The following NES variants were observed in gnomAD, a reference collection of about 807,000 sequenced individuals.
NES encodes nestin.
In NES, 27 loss-of-function variants were observed where a neutral mutation model predicts 35.6. That is an observed-to-expected ratio of 0.76 (90% CI 0.56 to 1.04). NES has a LOEUF of 1.04. Among genes scored for constraint, NES ranks in the 50% least tolerant of loss-of-function variants. The pLI is 0.00. For missense variants in NES, 1,867 were observed against 1,983.6 expected (o/e 0.94, Z 1.12); for synonymous variants, 822 against 824.2 (o/e 1.00, Z 0.04).
Position 156,670,698 on chromosome 1 carries a change from G to A in NES, c.3490C>T (p.Pro1164Ser), listed in dbSNP as rs1046638031. The A allele has an allele frequency of 1.2e-6, 2 of 1,613,818 alleles. No homozygotes were observed. Among genetic ancestry groups the A allele is most frequent in the South Asian group, 1.1e-5 (1 of 91,080 alleles). ...CTACCCTCCCTGGGAGGCTCCCAAG[G>A]GTCTCTGCTCTTCCCAGGCAGCTCG... is the stretch of plus-strand genomic sequence containing the variant. ...FSELPGKSRD[P>S]WEPPREGREE... Residue 1164 changes from proline (P) to serine (S), a missense_variant, in exon 4 of 4, where the codon CCT (proline) becomes TCT (serine). Transcript: ENST00000368223.
In NES at chr1:156,670,119, C is replaced by CTTCTCCCTCCTCCCCCTCCTCCTT; in HGVS notation, c.4045_4068dup (p.Lys1349_Glu1356dup). On this transcript the variant is annotated inframe_insertion, in exon 4 of 4. Coordinates refer to ENST00000368223, the MANE Select transcript of NES (RefSeq NM_006617.2). ...AGGTCAGAGTCACGGCCACACTCCT[C>CTTCTCCCTCCTCCCCCTCCTCCTT]TTCTCCCTCCTCCCCCTCCTCCTTT... The CTTCTCCCTCCTCCCCCTCCTCCTT allele has an allele frequency of 6.2e-7, 1 of 1,614,062 alleles. No homozygotes were observed. The highest frequency in any genetic ancestry group is 1.7e-5 in the Admixed American group (1 of 60,026).
Position 156,671,171 on chromosome 1 carries a change from ACCT to A in NES, c.3014_3016del (p.Glu1005del), listed in dbSNP as rs773996526. On this transcript the variant is annotated inframe_deletion, in exon 4 of 4. Transcript: ENST00000368223. ...TGGGTGCCCCTCGCCTGGGATCCAG[ACCT>A]CCTCTGTGGCATTCAGCTCTCCCTG... is the stretch of plus-strand genomic sequence containing the variant. 44 of 1,613,404 alleles carry A rather than the reference ACCT, an allele frequency of 2.7e-5. No homozygotes were observed. The Admixed American group carries it at 4.8e-4, about 18-fold the overall frequency.
rs1389332640 is a variant in NES at position 156,671,509 on chromosome 1, T to G, written c.2679A>C (p.Arg893Ser). Residue 893 changes from arginine to serine, a missense_variant, in exon 4 of 4, where the codon AGA (arginine) becomes AGC (serine). Transcript: ENST00000368223. The stretch of plus-strand genomic sequence containing the variant: ...TCTCCAGGTTCCATGCTCCCAGAGA[T>G]CTCAATGATTCCTGATTCTCCTCTT... ...LLEEENQESL[R>S]SLGAWNLENL... 1 of 1,613,894 alleles carries G rather than the reference T, an allele frequency of 6.2e-7. No individual in the cohort carries two copies. Among genetic ancestry groups the G allele is most frequent in the African/African-American group, 1.3e-5 (1 of 74,924 alleles).
chr1:156,676,672 G>T lies in NES; in HGVS notation c.593C>A (p.Ala198Glu). ...CTGGCCCAGCGACGTCTCCATGTGT[G>T]CCACGCGCTCCTGGTAGCCGCGCAC... The part of the protein sequence containing the change: ...GAVRGYQERV[A>E]HMETSLGQAR... Residue 198 changes from alanine to glutamate, a missense_variant, in exon 1 of 4, where the codon GCA becomes GAA. Physicochemically the swap from Ala to Glu is moderately radical, Grantham distance 107. Transcript: ENST00000368223. The surrounding 1 kb of genome is among the most constrained non-coding windows in gnomAD (Gnocchi z 5.3). 1 of 1,512,528 alleles carries T rather than the reference G, an allele frequency of 6.6e-7. No homozygotes were observed. The highest frequency in any genetic ancestry group is 1.5e-5 in the African/African-American group (1 of 68,880). The allele number at this position is 1,512,528 out of a possible 1,614,324, so 93.7% of individuals were successfully genotyped here. A position where few individuals can be genotyped will look rare whatever the true frequency, so the allele number is the denominator to read the frequency against.
Position 156,672,832 on chromosome 1 carries a change from T to C in NES, c.1356A>G (p.Gln452=). Residue 452 remains glutamine, a synonymous_variant, in exon 4 of 4, where the codon CAA becomes CAG. Coordinates refer to ENST00000368223, the MANE Select transcript of NES (RefSeq NM_006617.2). ...PGPEEPGGQR[Q]EASTGQSPED... ...CTGGGGACTGGCCTGTACTGGCCTCTTGCCGCTGGCCCCCAGGCTCCTCTG... is the reference window on the plus strand; with the variant it reads ...CTGGGGACTGGCCTGTACTGGCCTCCTGCCGCTGGCCCCCAGGCTCCTCTG... 6.2e-7 allele frequency: 1 copy of C among 1,613,946 alleles called. No individual in the cohort carries two copies. Among genetic ancestry groups the C allele is most frequent in the Non-Finnish European group, 8.5e-7 (1 of 1,180,036 alleles).
At position 156,676,684 on chromosome 1, in the gene NES, T is replaced by A; in HGVS notation, c.581A>T (p.Gln194Leu). The A allele has an allele frequency of 6.7e-7, 1 of 1,499,026 alleles. No homozygotes were observed. Among genetic ancestry groups the A allele is most frequent in the South Asian group, 1.3e-5 (1 of 79,312 alleles). 92.9% of individuals were successfully genotyped at this position (1,499,026 alleles called of 1,614,324 possible). A position where few individuals can be genotyped will look rare whatever the true frequency, so the allele number is the denominator to read the frequency against. ...EAWRGAVRGY[Q>L]ERVAHMETSL... is the part of the protein sequence containing the mutation. ...CGTCTCCATGTGTGCCACGCGCTCC[T>A]GGTAGCCGCGCACTGCCCCGCGCCA... Residue 194 changes from glutamine to leucine, a missense_variant, in exon 1 of 4, where the codon CAG becomes CTG. By Grantham distance (113) the Gln-to-Leu change is moderately radical. Coordinates refer to ENST00000368223, the MANE Select transcript of NES (RefSeq NM_006617.2). This position sits in a 1 kb window ranked among gnomAD's most constrained non-coding sequence, Gnocchi z 5.3.
In NES at chr1:156,676,569, G is replaced by GC. The variant is rs1558000550; in HGVS notation, c.695dup (p.Gly233ArgfsTer26). ...CTGCCCTGCGCTCCAGGAGGCCTCC[G>GC]CGCTCAGCCTGGAGCTGCTGCAGCT... On this transcript the variant is annotated frameshift_variant, in exon 1 of 4. Transcript: ENST00000368223. LOFTEE classifies it high-confidence loss of function. The surrounding 1 kb of genome is among the most constrained non-coding windows in gnomAD (Gnocchi z 5.3). The GC allele has an allele frequency of 6.3e-7, 1 of 1,589,264 alleles. No individual in the cohort carries two copies. The highest frequency in any genetic ancestry group is 8.5e-7 in the Non-Finnish European group (1 of 1,175,448).
rs552442225 is a variant in NES at position 156,670,820 on chromosome 1, G to T, written c.3368C>A (p.Pro1123His). 3.7e-6 allele frequency: 6 copies of T among 1,612,774 alleles called. No individual in the cohort carries two copies. The highest frequency in any genetic ancestry group is 1.7e-6 in the Non-Finnish European group (2 of 1,179,230). The change falls in exon 4 of 4, where the codon CCC becomes CAC. Residue 1123 changes from proline to histidine, a missense_variant. Physicochemically the swap from Pro to His is moderately conservative, Grantham distance 77 (BLOSUM62 -2). Coordinates refer to ENST00000368223, the MANE Select transcript of NES (RefSeq NM_006617.2). ...HLTREEVMEP[P>H]LEEESLEAKR... ...TGCCTCCAAACTCTCCTCTTCCAGG[G>T]GTGGTTCCATCACCTCTTCCCTGGT...
chr1:156,670,521 G>C lies in NES; in HGVS notation c.3667C>G (p.Pro1223Ala), dbSNP rs541819223. 1.8e-5 allele frequency: 29 copies of C among 1,604,026 alleles called. No homozygotes were observed. The South Asian group carries it at 3.1e-4, about 17-fold the overall frequency. The change falls in exon 4 of 4, where the codon CCA becomes GCA. Residue 1223 changes from proline to alanine, a missense_variant. Coordinates refer to ENST00000368223, the MANE Select transcript of NES (RefSeq NM_006617.2). ...DVPPVLVSPS[P>A]TYTPILEDAP... Reference sequence around the variant, plus strand: ...TCTTCCAGGATCGGGGTGTACGTTGGGCTGGGGGAGACCAGCACTGGTGGT... The same window carrying C: ...TCTTCCAGGATCGGGGTGTACGTTGCGCTGGGGGAGACCAGCACTGGTGGT...
At chr1:156,675,113 A>C in intron 2 of NES, 103 bp downstream of exon 2, 1 of 1,401,720 alleles carries the variant, frequency 7.1e-7, no homozygotes, top group Non-Finnish European at 9.8e-7. Flanking sequence ...CAGTGGCAGC[A>C]GAGTTGCCAT....
In NES at chr1:156,675,276, T is replaced by C. The variant is rs1452999782; in HGVS notation, c.848A>G (p.Glu283Gly). 4 of 1,613,602 alleles carry C rather than the reference T, an allele frequency of 2.5e-6. No individual in the cohort carries two copies. Among genetic ancestry groups the C allele is most frequent in the Non-Finnish European group, 3.4e-6 (4 of 1,179,874 alleles). Reference protein sequence around the residue: ...GLQSQIAQVLEGRQQLAHLKM... With the variant: ...GLQSQIAQVLGGRQQLAHLKM... The stretch of plus-strand genomic sequence containing the variant: ...GAGGTGCGCCAGCTGCTGCCGACCT[T>C]CCAGGACCTGAGCGATCTGGCTCTG... Residue 283 changes from glutamate to glycine, a missense_variant, in exon 2 of 4, where the codon GAA becomes GGA. Glu to Gly is a moderately conservative substitution (Grantham distance 98). Coordinates refer to ENST00000368223, the MANE Select transcript of NES (RefSeq NM_006617.2).
Position 156,669,169 on chromosome 1 carries a change from C to G in NES, c.*153G>C. 1.9e-6 allele frequency: 1 copy of G among 534,566 alleles called. No homozygotes were observed. The highest frequency in any genetic ancestry group is 3.2e-6 in the Non-Finnish European group (1 of 312,204). 33.1% of individuals were successfully genotyped at this position (534,566 alleles called of 1,614,324 possible). On this transcript the variant is annotated 3_prime_UTR_variant, in exon 4 of 4. Transcript: ENST00000368223. The stretch of plus-strand genomic sequence containing the variant: ...TGGAGTAGGCTCCTTTGCCACACCC[C>G]TTTTCACCTTAGCGGGCCAGGCCTC...
Position 156,676,313 on chromosome 1 carries a change from C to A in NES, c.783+169G>T, listed in dbSNP as rs953361142. Among the ~76,000 whole-genome samples the A allele has an allele frequency of 7.9e-5, 12 of 152,178 alleles. No homozygotes were observed. Among genetic ancestry groups the A allele is most frequent in the African/African-American group, 2.9e-4 (12 of 41,448 alleles). On this transcript the variant is annotated intron_variant, in intron 1 of 3. Transcript: ENST00000368223. The surrounding 1 kb of genome is among the most constrained non-coding windows in gnomAD (Gnocchi z 5.3). ...GAAGCCCCACCATTCGCATCCTACA[C>A]TAGACGGGCTGTAAAAGTCTAGGAC...
chr1:156,670,616 G>A lies in NES; in HGVS notation c.3572C>T (p.Thr1191Ile), dbSNP rs572614051. 2.5e-6 allele frequency: 4 copies of A among 1,613,846 alleles called. No homozygotes were observed. The South Asian group carries it at 3.3e-5, about 13-fold the overall frequency. ...RGAEEAFPAE[T>I]LGHTGSDAPS... is the part of the protein sequence containing the mutation. Reference sequence around the variant, plus strand: ...GGCATCACTTCCAGTGTGGCCCAGGGTCTCAGCAGGGAACGCCTCCTCTGC... The same window carrying A: ...GGCATCACTTCCAGTGTGGCCCAGGATCTCAGCAGGGAACGCCTCCTCTGC... The change falls in exon 4 of 4, where the codon ACC becomes ATC. Residue 1191 changes from threonine (T) to isoleucine (I), a missense_variant. By Grantham distance (89) the Thr-to-Ile change is moderately conservative (BLOSUM62 -1). Coordinates refer to ENST00000368223, the MANE Select transcript of NES (RefSeq NM_006617.2).
chr1:156,672,857 G>A lies in NES; in HGVS notation c.1331C>T (p.Pro444Leu). The A allele has an allele frequency of 6.2e-7, 1 of 1,613,956 alleles. No homozygotes were observed. The highest frequency in any genetic ancestry group is 8.5e-7 in the Non-Finnish European group (1 of 1,180,036). ...TTGCCGCTGGCCCCCAGGCTCCTCT[G>A]GTCCAGGCAGGACGCTGGCAGGAAT... ...VAIPASVLPGPEEPGGQRQEA... is the reference protein window; with the variant it reads ...VAIPASVLPGLEEPGGQRQEA... The change falls in exon 4 of 4, where the codon CCA becomes CTA. Residue 444 changes from proline (P) to leucine (L), a missense_variant. Physicochemically the swap from Pro to Leu is moderately conservative, Grantham distance 98. Coordinates refer to ENST00000368223, the MANE Select transcript of NES (RefSeq NM_006617.2).
chr1:156,670,859 T>TCCCCCCCCCCCCCCCCCCCCCACCCC lies in NES; in HGVS notation c.3328_3329insGGGGTGGGGGGGGGGGGGGGGGGGGG (p.Asp1110GlyfsTer14). 3.7e-6 allele frequency: 6 copies of TCCCCCCCCCCCCCCCCCCCCCACCCC among 1,609,292 alleles called. No individual in the cohort carries two copies. Among genetic ancestry groups the TCCCCCCCCCCCCCCCCCCCCCACCCC allele is most frequent in the African/African-American group, 1.3e-5 (1 of 74,770 alleles). On this transcript the variant is annotated frameshift_variant, in exon 4 of 4. Transcript: ENST00000368223. LOFTEE classifies it low-confidence loss of function (END_TRUNC). The stretch of plus-strand genomic sequence containing the variant: ...CTCTTCCCTGGTCAGATGGCCTGGG[T>TCCCCCCCCCCCCCCCCCCCCCACCCC]CCCCCAGCCCTCCCACCCCCTGCCC...
chr1:156,668,925 G>T lies in NES; in HGVS notation c.*397C>A. On this transcript the variant is annotated 3_prime_UTR_variant, in exon 4 of 4. Coordinates refer to ENST00000368223, the MANE Select transcript of NES (RefSeq NM_006617.2). ...TACTGCAGTGAGATGGTGCACTACT[G>T]CAGTGAGGTGGCGCAGGGCTGGTGA... The T allele has an allele frequency of 5.8e-6, 1 of 173,136 alleles. No individual in the cohort carries two copies. The highest frequency in any genetic ancestry group is 1.2e-5 in the Non-Finnish European group (1 of 81,492). The allele number at this position is 173,136 out of a possible 1,614,324, so 10.7% of individuals were successfully genotyped here.
rs1259433194 is a variant in NES, at chr1:156,677,143, C to T, written c.122G>A (p.Gly41Glu). ...GTCCGCGGATTGTGCCCGGAGCCCCCCGAGCTCCGCGCTGAGCAGCTCATT... is the reference window on the plus strand; with the variant it reads ...GTCCGCGGATTGTGCCCGGAGCCCCTCGAGCTCCGCGCTGAGCAGCTCATT... ...EQNELLSAEL[G>E]GLRAQSADTS... Residue 41 changes from glycine (G) to glutamate (E), a missense_variant, in exon 1 of 4, where the codon GGG becomes GAG. Coordinates refer to ENST00000368223, the MANE Select transcript of NES (RefSeq NM_006617.2). This position sits in a 1 kb window ranked among gnomAD's most constrained non-coding sequence, Gnocchi z 4.5. 1 of 1,610,268 alleles carries T rather than the reference C, an allele frequency of 6.2e-7. No individual in the cohort carries two copies. The highest frequency in any genetic ancestry group is 8.5e-7 in the Non-Finnish European group (1 of 1,179,000).
At position 156,669,408 on chromosome 1, in the gene NES, C is replaced by A. The variant is rs1679649635; in HGVS notation, c.4780G>T (p.Ala1594Ser). The A allele has an allele frequency of 1.9e-6, 3 of 1,612,480 alleles. No individual in the cohort carries two copies. Among genetic ancestry groups the A allele is most frequent in the Non-Finnish European group, 2.5e-6 (3 of 1,178,832 alleles). ...GSALKTSWAG[A>S]PVHLGQGQFL... ...TGACCCTGGCCCAGGTGAACAGGAGCCCCTGCCCAAGAGGTCTTCAGAGCA... is the reference window on the plus strand; with the variant it reads ...TGACCCTGGCCCAGGTGAACAGGAGACCCTGCCCAAGAGGTCTTCAGAGCA... The change falls in exon 4 of 4, where the codon GCT becomes TCT. Residue 1594 changes from alanine (A) to serine (S), a missense_variant. By Grantham distance (99) the Ala-to-Ser change is moderately conservative. Transcript: ENST00000368223.
Sources: gnomAD v4.1 joint callset for allele counts (sites outside exome capture counted in the v4.1 genomes callset) on GRCh38, gnomAD v4.1.1 for gene constraint, Gnocchi (gnomAD v3.1) non-coding constraint, MANE v1.5 for transcripts, NCBI Gene and HGNC (gene_info 2026-07-23, HGNC 2026-07-21) for gene names.